Variants in CADM2 observed in about 807,000 individuals in gnomAD.
CADM2 encodes the protein cell adhesion molecule 2, also known as immunoglobulin superfamily member 4D.
Under a neutral mutation model 49.8 loss-of-function variants are expected in CADM2, and 12 were observed. That is an observed-to-expected ratio of 0.24 (90% confidence interval 0.15 to 0.39). The LOEUF is 0.39. CADM2 is among the 10% of genes least tolerant of loss of function. The pLI, the probability that CADM2 is intolerant of heterozygous loss-of-function variation, is 1.00. For missense variants in CADM2, 378 were observed against 492.3 expected (o/e 0.77, Z 2.20); for synonymous variants, 214 against 175.4 (o/e 1.22, Z -1.74).
intron 3 of CADM2, among the ~76,000 whole-genome samples, chr3:85,824,795 T>C (rs2073812682): frequency 6.6e-6 from 1 of 151,974 alleles, no homozygotes; most frequent in Admixed American, 6.6e-5. Flanking sequence ...TGAGAAGCAG[T>C]AAGGATGCAA....
intron 1 of CADM2, among the ~76,000 whole-genome samples, chr3:85,574,454 C>G (rs1409890335): frequency 6.6e-6 from 1 of 152,166 alleles, no homozygotes; most frequent in Non-Finnish European, 1.5e-5. Flanking sequence ...TGTCAGTCCA[C>G]TACAGTGTTC....
intron 1 of CADM2, among the ~76,000 whole-genome samples, chr3:85,114,258 C>G (rs948645515): frequency 5.3e-5 from 8 of 151,796 alleles, no homozygotes; most frequent in Non-Finnish European, 1.2e-4. Flanking sequence ...TAGAGAAAAC[C>G]CCCATGGGCT....
chr3:85,491,813 G>T (rs1482505938), intron 1 of CADM2, among the ~76,000 whole-genome samples: 4 of 152,144 alleles, frequency 2.6e-5, no homozygotes, highest in African/African-American at 4.8e-5. Context: ...ATAGCCGGGT[G>T]TGGTGGCAGG....
chr3:85,894,431 G>A (rs190368519), intron 5 of CADM2, among the ~76,000 whole-genome samples: 1 of 152,108 alleles, frequency 6.6e-6, no homozygotes, highest in Admixed American at 6.5e-5. Flanking sequence ...CACCAACATG[G>A]CACATGTATA....
intron 1 of CADM2, among the ~76,000 whole-genome samples, chr3:85,034,235 T>A (rs1298972904): frequency 6.6e-6 from 1 of 152,166 alleles, no homozygotes; most frequent in Non-Finnish European, 1.5e-5. Flanking sequence ...TCTATCTAAC[T>A]ATATTTTTGT....
intron 8 of CADM2, chr3:85,994,401 C>T (rs771611379): frequency 2.6e-5 from 4 of 152,198 alleles, no homozygotes; most frequent in Admixed American, 6.5e-5. Context: ...CAGATTTGGT[C>T]TTAATCAAGA....
rs1303619736 is a variant in CADM2, at chr3:85,261,777, AT to A, written c.61+302116del. 2.6e-5 allele frequency among the ~76,000 whole-genome samples: 4 copies of A among 152,184 alleles called. 1 individual carries two copies. The East Asian group carries it at 7.7e-4, about 29-fold the overall frequency. On this transcript the variant is annotated intron_variant, in intron 1 of 9. Transcript: ENST00000383699. ...TTAACTTACAGAGGACCATGCAGGT[AT>A]TTTTTTGGCAATTCAAATATTTCTA...
At chr3:85,717,509 C>A (rs549960501) in intron 1 of CADM2, among the ~76,000 whole-genome samples, 1 of 152,084 alleles carries the variant, frequency 6.6e-6, no homozygotes, top group Non-Finnish European at 1.5e-5. Flanking sequence ...ATTGCCCTGG[C>A]CAGAACTTCC....
rs1553683447 is a variant in CADM2, at chr3:85,769,515, G to GTATATACA, written c.89-32526_89-32519dup. Among the ~76,000 whole-genome samples the GTATATACA allele has an allele frequency of 2.5e-3, 76 of 30,208 alleles. 3 individuals are homozygous for GTATATACA. Among genetic ancestry groups the GTATATACA allele is most frequent in the African/African-American group, 8.9e-3 (64 of 7,226 alleles). The allele number at this position is 30,208 out of a possible 152,430, so 19.8% of individuals were successfully genotyped here. ...TATATACATATATGTATATATACAC[G>GTATATACA]TATATACATATATGTATATATACAC... is the stretch of plus-strand genomic sequence containing the variant. On this transcript the variant is annotated intron_variant, in intron 2 of 9. Transcript: ENST00000383699.
chr3:85,947,863 C>T (rs759262240), intron 7 of CADM2, among the ~76,000 whole-genome samples: 2 of 151,408 alleles, frequency 1.3e-5, no homozygotes, highest in Non-Finnish European at 3.0e-5. Context: ...TGCAGAATCA[C>T]GATTATAGAT....
intron 3 of CADM2, among the ~76,000 whole-genome samples, chr3:85,822,070 T>G (rs1453329200): frequency 1.3e-5 from 2 of 152,220 alleles, no homozygotes; most frequent in Non-Finnish European, 2.9e-5. Context: ...AATATTTACA[T>G]TTTAATGTGG....
At chr3:85,951,944 T>A (rs1180386294) in intron 7 of CADM2, among the ~76,000 whole-genome samples, 1 of 150,738 alleles carries the variant, frequency 6.6e-6, no homozygotes. Context: ...TAAGACTGGC[T>A]AAGGAGGGAA....
chr3:85,343,040 T>C (rs1022764287), intron 1 of CADM2, among the ~76,000 whole-genome samples: 5 of 152,144 alleles, frequency 3.3e-5, no homozygotes, highest in Admixed American at 2.6e-4. Context: ...CAAGTAGGGG[T>C]GATTTTGCCT....
At chr3:86,041,537 T>C (rs9813970) in intron 8 of CADM2, among the ~76,000 whole-genome samples, 5,434 of 152,066 alleles carry the variant, frequency 0.036, 315 homozygotes, top group African/African-American at 0.12. Flanking sequence ...GCTAACTATC[T>C]TAAATATATA....
At chr3:85,230,585 A>G (rs2042263484) in intron 1 of CADM2, among the ~76,000 whole-genome samples, 1 of 152,188 alleles carries the variant, frequency 6.6e-6, no homozygotes, top group Non-Finnish European at 1.5e-5. Context: ...TAAAAAGCTT[A>G]ACTAAGCAGG....
At chr3:85,455,343 C>T (rs2037942119) in intron 1 of CADM2, among the ~76,000 whole-genome samples, 1 of 152,216 alleles carries the variant, frequency 6.6e-6, no homozygotes, top group Admixed American at 6.5e-5. Flanking sequence ...TTATTACCTT[C>T]ATCTTTCATA....
At position 85,347,813 on chromosome 3, in the gene CADM2, TG is replaced by T. The variant is rs199728208; in HGVS notation, c.62-378708del. ...TGAGCCATCACATCCGCCAGTTTTT[TG>T]TTTTTTTTTTTAAGATGGAGTCTCG... On this transcript the variant is annotated intron_variant, in intron 1 of 9. Transcript: ENST00000383699. Among the ~76,000 whole-genome samples, 93 of 148,108 alleles carry T rather than the reference TG, an allele frequency of 6.3e-4. 1 individual carries two copies. Among genetic ancestry groups the T allele is most frequent in the African/African-American group, 8.0e-4 (32 of 40,050 alleles).
chr3:85,530,383 T>C (rs1267904446), intron 1 of CADM2, among the ~76,000 whole-genome samples: 1 of 137,408 alleles, frequency 7.3e-6, no homozygotes, highest in East Asian at 2.2e-4. Context: ...CAGGCTGGAG[T>C]GCAGTGGCGC....
At chr3:85,442,615 T>A (rs549942803) in intron 1 of CADM2, among the ~76,000 whole-genome samples, 1 of 48,372 alleles carries the variant, frequency 2.1e-5, no homozygotes, top group East Asian at 7.9e-4. Context: ...TATATATATA[T>A]ATATATATAT....
Sources: gnomAD v4.1 joint callset for allele counts (sites outside exome capture counted in the v4.1 genomes callset) on GRCh38, gnomAD v4.1.1 for gene constraint, MANE v1.5 for transcripts, NCBI Gene and HGNC (gene_info 2026-07-23, HGNC 2026-07-21) for gene names.